TRIO: variants seen among roughly 807,000 people sequenced by gnomAD.
TRIO encodes trio Rho guanine nucleotide exchange factor.
Under a neutral mutation model 351.9 loss-of-function variants are expected in TRIO, and 58 were observed. The observed-to-expected ratio is 0.16, with a 90% CI of 0.13 to 0.21. The LOEUF (loss-of-function observed/expected upper bound fraction) is 0.21, where lower values mean the gene tolerates loss of function less well. Ranked by LOEUF, TRIO falls within the 10% of genes least tolerant of loss-of-function variation. The probability of loss-of-function intolerance (pLI) is 1.00; values close to 1 mark genes in which losing one functional copy is unlikely to be tolerated. For missense variants in TRIO, 3,201 were observed against 4,027.8 expected, an observed-to-expected ratio of 0.79 and a Z score of 5.56; for synonymous variants, 1,758 against 1,595.7, an observed-to-expected ratio of 1.10 and a Z score of -2.42.
At chr5:14,406,399 C>A in intron 32 of TRIO, 174 bp from the exon 33 acceptor site, 1 of 642,588 alleles carries the variant, frequency 1.6e-6, no homozygotes, top group Non-Finnish European at 2.8e-6. Context: ...ACACTCAGCA[C>A]AGTGCCTAGC....
chr5:14,491,159 C>G (rs1382130068), intron 48 of TRIO, among the ~76,000 whole-genome samples: 2 of 152,232 alleles, frequency 1.3e-5, no homozygotes, highest in African/African-American at 4.8e-5. Context: ...TTGGCTTTCT[C>G]AGGCTTGACC....
chr5:14,222,657 G>A lies in TRIO; in HGVS notation c.158-48168G>A, dbSNP rs189400184. ...TTTGGAACCTGCATTTTGAGTAACT[G>A]TTCCACAGGATTCTGATGCAGGTGT... On this transcript the variant is annotated intron_variant, in intron 1 of 56. Transcript: ENST00000344204. Among the ~76,000 whole-genome samples the A allele has an allele frequency of 7.2e-5, 11 of 152,304 alleles. No individual in the cohort carries two copies. The East Asian group carries it at 1.4e-3, about 19-fold the overall frequency.
chr5:14,258,962 T>C (rs1581466767), intron 1 of TRIO, among the ~76,000 whole-genome samples: 1 of 152,234 alleles, frequency 6.6e-6, no homozygotes, highest in Non-Finnish European at 1.5e-5. Flanking sequence ...GAGCCTGTGC[T>C]GCCTTCGAGT....
chr5:14,472,723 T>G, intron 39 of TRIO, 65 bp downstream of exon 39: 3 of 1,554,146 alleles, frequency 1.9e-6, no homozygotes, highest in Non-Finnish European at 2.7e-6. Flanking sequence ...GTAGTATCGT[T>G]TTAGACAGTT....
chr5:14,189,759 C>G (rs768655914), intron 1 of TRIO, among the ~76,000 whole-genome samples: 2 of 150,104 alleles, frequency 1.3e-5, no homozygotes, highest in African/African-American at 2.5e-5. Context: ...GGGGTGAGGT[C>G]TTGCTGTGTT....
At chr5:14,388,578 C>T (rs1446079117) in intron 23 of TRIO, 35 bp from the exon 24 acceptor site, 1 of 1,590,214 alleles carries the variant, frequency 6.3e-7, no homozygotes, top group African/African-American at 1.4e-5. Context: ...AAGCTGCACC[C>T]TGACTGTACT....
intron 34 of TRIO, among the ~76,000 whole-genome samples, chr5:14,447,183 G>T (rs990474275): frequency 6.6e-6 from 1 of 152,204 alleles, no homozygotes; most frequent in Non-Finnish European, 1.5e-5. Flanking sequence ...AGTGAGCCAA[G>T]ATCAAGCCAC....
chr5:14,458,056 T>C (rs1477783624), intron 34 of TRIO, among the ~76,000 whole-genome samples: 2 of 151,822 alleles, frequency 1.3e-5, no homozygotes, highest in East Asian at 3.9e-4. Flanking sequence ...TTTTTTTTTT[T>C]TCCTCCATCA....
intron 1 of TRIO, among the ~76,000 whole-genome samples, chr5:14,177,401 G>T (rs1789473695): frequency 6.6e-6 from 1 of 152,104 alleles, no homozygotes; most frequent in African/African-American, 2.4e-5. Flanking sequence ...TCTGGCACTT[G>T]TGTGAATTTC....
intron 28 of TRIO, among the ~76,000 whole-genome samples, chr5:14,396,205 T>G (rs1257254271): frequency 1.3e-5 from 2 of 152,000 alleles, no homozygotes; most frequent in African/African-American, 4.8e-5. Context: ...CCATTAGAGC[T>G]TTTCTAAACA....
In TRIO at chr5:14,276,806, C is replaced by T. The variant is rs375028565; in HGVS notation, c.233-3516C>T. Among the ~76,000 whole-genome samples the T allele has an allele frequency of 1.1e-4, 17 of 152,318 alleles. 1 individual carries two copies. The South Asian group carries it at 3.5e-3, about 32-fold the overall frequency. ...TAAAGAGAAAGAGGTGATTGTGAAT[C>T]TAGCTGTTTCTGTGGTCATCCTGGG... is the stretch of plus-strand genomic sequence containing the variant. On this transcript the variant is annotated intron_variant, in intron 2 of 56. Coordinates refer to ENST00000344204, the MANE Select transcript of TRIO (RefSeq NM_007118.4).
chr5:14,495,268 G>C (rs1169329401), intron 49 of TRIO, among the ~76,000 whole-genome samples: 1 of 152,200 alleles, frequency 6.6e-6, no homozygotes, highest in Non-Finnish European at 1.5e-5. Flanking sequence ...CTGCTTCTTA[G>C]GGGTGCGCAG....
rs767558234 is a variant in TRIO, at chr5:14,487,976, C to T, written c.7348C>T (p.Arg2450Trp). ...GGGCACCCTGCCGCTTGGGAAGCCC[C>T]GGGCCGGGGCCGCTTCGCCGCTGAA... ...SLGTLPLGKP[R>W]AGAASPLNSP... The change falls in exon 48 of 57, where the codon CGG becomes TGG. Residue 2450 changes from arginine to tryptophan, a missense_variant. Arg to Trp is a moderately radical substitution (Grantham distance 101). Around this residue, in one of 19 missense-constraint regions of TRIO, gnomAD observed 1,089 missense variants for 954.9 expected, o/e 1.14. Transcript: ENST00000344204. The T allele has an allele frequency of 2.0e-4, 305 of 1,554,104 alleles. No homozygotes were observed. The highest frequency in any genetic ancestry group is 2.2e-4 in the Non-Finnish European group (258 of 1,149,920).
intron 27 of TRIO, among the ~76,000 whole-genome samples, chr5:14,393,512 C>T (rs10065203): frequency 0.26 from 39,338 of 152,124 alleles, 6,217 homozygotes; most frequent in Non-Finnish European, 0.36. Context: ...CTTTCTTCTA[C>T]AGCTTCCTCT....
intron 1 of TRIO, among the ~76,000 whole-genome samples, chr5:14,161,013 C>T (rs1017630977): frequency 2.0e-5 from 3 of 152,072 alleles, no homozygotes; most frequent in African/African-American, 4.8e-5. Context: ...TGGGTTCAAG[C>T]GATTCTCCTG....
intron 1 of TRIO, among the ~76,000 whole-genome samples, chr5:14,218,256 G>A (rs565174140): frequency 6.6e-6 from 1 of 152,192 alleles, no homozygotes; most frequent in African/African-American, 2.4e-5. Flanking sequence ...TAGTGAAGTC[G>A]TCGGTTTAAA....
At chr5:14,313,329 T>C (rs1324124035) in intron 8 of TRIO, among the ~76,000 whole-genome samples, 2 of 152,210 alleles carry the variant, frequency 1.3e-5, no homozygotes, top group Non-Finnish European at 2.9e-5. Flanking sequence ...TCCACCGCCA[T>C]GAGCAAGTGT....
intron 1 of TRIO, among the ~76,000 whole-genome samples, chr5:14,238,406 G>A (rs1193407073): frequency 1.3e-5 from 2 of 152,106 alleles, no homozygotes; most frequent in Non-Finnish European, 1.5e-5. Flanking sequence ...AAGTAAACTC[G>A]AAGCCAAGTA....
intron 1 of TRIO, among the ~76,000 whole-genome samples, chr5:14,223,546 T>A (rs576388317): frequency 6.6e-6 from 1 of 152,170 alleles, no homozygotes; most frequent in Non-Finnish European, 1.5e-5. Context: ...CCTGCTTGGC[T>A]TCAAGTTAAT....
Sources: allele counts gnomAD v4.1 joint callset (sites outside exome capture counted in the v4.1 genomes callset), GRCh38; gene constraint gnomAD v4.1.1; regional missense constraint gnomAD v4.1.1; transcripts MANE v1.5; gene names NCBI Gene and HGNC (gene_info 2026-07-23, HGNC 2026-07-21).